TCF3: variants seen among roughly 807,000 people sequenced by gnomAD.
TCF3 encodes the protein transcription factor 3.
Under a neutral mutation model 72.3 loss-of-function variants are expected in TCF3, and 54 were observed. The ratio of observed to expected loss-of-function variants is 0.75; its 90% confidence interval spans 0.60 to 0.94. The LOEUF (loss-of-function observed/expected upper bound fraction) is 0.94, where lower values mean the gene tolerates loss of function less well. TCF3 is among the 40% of genes least tolerant of loss of function. The pLI is 0.00. For missense variants in TCF3, 1,078 were observed against 934.4 expected, an observed-to-expected ratio of 1.15 and a Z score of -2.00; for synonymous variants, 525 against 412.6, an observed-to-expected ratio of 1.27 and a Z score of -3.30.
chr19:1,647,144 T>C (rs1041788874), intron 2 of TCF3, among the ~76,000 whole-genome samples: 6 of 152,258 alleles, frequency 3.9e-5, no homozygotes, highest in African/African-American at 1.4e-4. Context: ...GCTAGGGGTG[T>C]GGGACTGCCA....
chr19:1,618,547 A>G (rs184887038), intron 16 of TCF3, among the ~76,000 whole-genome samples: 1 of 137,348 alleles, frequency 7.3e-6, no homozygotes, highest in African/African-American at 2.8e-5. Context: ...CTCTGCTCCA[A>G]CCCCACGGGT....
intron 1 of TCF3, among the ~76,000 whole-genome samples, chr19:1,651,855 C>G (rs1204121518): frequency 1.3e-5 from 2 of 150,644 alleles, no homozygotes; most frequent in Non-Finnish European, 3.0e-5. Flanking sequence ...GCACCTTCCC[C>G]GCGCAGACAA....
chr19:1,616,411 T>G (rs1221106563), intron 16 of TCF3: 2 of 151,108 alleles, frequency 1.3e-5, no homozygotes, highest in Admixed American at 1.3e-4. Context: ...GAGGCGGAGG[T>G]TGCAGTGAGC....
rs767530206 is a variant in TCF3, at chr19:1,609,629, G to A, written c.*2078C>T. The A allele has an allele frequency of 7.6e-5, 17 of 223,018 alleles. No individual in the cohort carries two copies. The highest frequency in any genetic ancestry group is 5.2e-4 in the East Asian group (8 of 15,314). 13.8% of individuals were successfully genotyped at this position (223,018 alleles called of 1,614,324 possible). ...GGGCAGGGCCAGGAGCAAAACAAGAGGGAGAGGCAAGTTCCCTTAAGAGAT... is the reference window on the plus strand; with the variant it reads ...GGGCAGGGCCAGGAGCAAAACAAGAAGGAGAGGCAAGTTCCCTTAAGAGAT... On this transcript the variant is annotated 3_prime_UTR_variant, in exon 19 of 19. Coordinates refer to ENST00000262965, the MANE Select transcript of TCF3 (RefSeq NM_003200.5).
chr19:1,625,260 C>A (rs1443093859), intron 7 of TCF3, among the ~76,000 whole-genome samples: 1 of 152,220 alleles, frequency 6.6e-6, no homozygotes, highest in East Asian at 1.9e-4. Flanking sequence ...GGGCTCAGTG[C>A]AGAGGAGCCA....
Position 1,650,265 on chromosome 19 carries a change from C to G in TCF3, c.-17G>C, listed in dbSNP as rs547082169. On this transcript the variant is annotated 5_prime_UTR_variant, in exon 2 of 19. Coordinates refer to ENST00000262965, the MANE Select transcript of TCF3 (RefSeq NM_003200.5). The stretch of plus-strand genomic sequence containing the variant: ...CTGGTTCATTCTCCTGGGGCCAGGG[C>G]GGGCACCTCAGGCCTGGAAACCCTG... 6.4e-7 allele frequency: 1 copy of G among 1,554,792 alleles called. No homozygotes were observed. Among genetic ancestry groups the G allele is most frequent in the Non-Finnish European group, 8.7e-7 (1 of 1,150,958 alleles).
chr19:1,622,866 G>A (rs758278229), intron 8 of TCF3, among the ~76,000 whole-genome samples: 9 of 152,148 alleles, frequency 5.9e-5, no homozygotes, highest in South Asian at 2.1e-4. Context: ...ACAGGAAGAG[G>A]GGTCTGTGAG....
chr19:1,617,815 A>G lies in TCF3; in HGVS notation c.1450+1296T>C, dbSNP rs1433429797. Among the ~76,000 whole-genome samples, 4 of 152,154 alleles carry G rather than the reference A, an allele frequency of 2.6e-5. No homozygotes were observed. The South Asian group carries it at 8.3e-4, about 32-fold the overall frequency. On this transcript the variant is annotated intron_variant, in intron 16 of 18. Transcript: ENST00000262965. ...GGGGTGGGGCCGTCCTGGGCACTGC[A>G]GGGTGCTGAGCAGCATCCCTGGCCC...
intron 5 of TCF3, among the ~76,000 whole-genome samples, chr19:1,631,301 C>CTCCA (rs1396054810): frequency 6.7e-6 from 1 of 149,426 alleles, no homozygotes; most frequent in Non-Finnish European, 1.5e-5. Context: ...TGGAATCTCG[C>CTCCA]TCCATCACCC....
In TCF3 at chr19:1,622,338, G is replaced by A. The variant is rs758731784; in HGVS notation, c.627C>T (p.Thr209=). Residue 209 remains threonine (T), a synonymous_variant, in exon 9 of 19, where the codon ACC becomes ACT. Transcript: ENST00000262965. ...CTGCCACGTAGAAGGGGGCGGGATAGGTGCTGCTGGGGGTCTTGGCGGACG... is the reference window on the plus strand; with the variant it reads ...CTGCCACGTAGAAGGGGGCGGGATAAGTGCTGCTGGGGGTCTTGGCGGACG... ...AYPSAKTPSS[T]YPAPFYVADG... The A allele has an allele frequency of 1.2e-5, 19 of 1,534,764 alleles. No individual in the cohort carries two copies. Among genetic ancestry groups the A allele is most frequent in the African/African-American group, 6.8e-5 (5 of 73,172 alleles).
chr19:1,638,585 G>T (rs2064796857), intron 3 of TCF3, among the ~76,000 whole-genome samples: 1 of 152,204 alleles, frequency 6.6e-6, no homozygotes. Flanking sequence ...TACCAGCAGG[G>T]AAGAGAAATA....
At chr19:1,646,517 G>T in intron 2 of TCF3, 90 bp from the exon 3 acceptor site, 1 of 1,199,012 alleles carries the variant, frequency 8.3e-7, no homozygotes, top group Non-Finnish European at 1.2e-6. Flanking sequence ...GAGCAGAGCT[G>T]GGGACACCCG....
chr19:1,627,731 C>G (rs919961434), intron 5 of TCF3, among the ~76,000 whole-genome samples: 1 of 152,008 alleles, frequency 6.6e-6, no homozygotes, highest in East Asian at 1.9e-4. Context: ...CCCACAGAAG[C>G]CCTGCCCAGG....
intron 2 of TCF3, among the ~76,000 whole-genome samples, chr19:1,648,231 G>A (rs1027651714): frequency 6.6e-6 from 1 of 152,248 alleles, no homozygotes; most frequent in Non-Finnish European, 1.5e-5. Context: ...CTAGGACCCA[G>A]CCTCGGCAGG....
chr19:1,619,345 TG>T lies in TCF3; in HGVS notation c.1296del (p.Met433CysfsTer53). 1 of 1,582,992 alleles carries T rather than the reference TG, an allele frequency of 6.3e-7. No homozygotes were observed. Among genetic ancestry groups the T allele is most frequent in the Non-Finnish European group, 8.5e-7 (1 of 1,170,856 alleles). On this transcript the variant is annotated frameshift_variant, in exon 15 of 19. Coordinates refer to ENST00000262965, the MANE Select transcript of TCF3 (RefSeq NM_003200.5). LOFTEE classifies it high-confidence loss of function. ...CCTGCGTGCCGCCCGCCCAGTGACA[TG>T]GGGCCGGTGAAACCTGAGGCCAGCG... ...HGALASGFTG[P>X]MSLGGRHAGL...
intron 13 of TCF3, among the ~76,000 whole-genome samples, chr19:1,620,537 G>A (rs72989732): frequency 0.053 from 8,006 of 152,294 alleles, 233 homozygotes; most frequent in Non-Finnish European, 0.061. Context: ...TGGCCCCATC[G>A]GACCTGGGAG....
In TCF3 at chr19:1,619,873, T is replaced by C. The variant is rs1388854104; in HGVS notation, c.1094-20A>G. ...ACGTTCCTGGAAGGGAGTGGGGACG[T>C]GAATGGGGTGCGAGGGGCGGGGTGT... On this transcript the variant is annotated intron_variant, in intron 13 of 18. Coordinates refer to ENST00000262965, the MANE Select transcript of TCF3 (RefSeq NM_003200.5). 6.4e-7 allele frequency: 1 copy of C among 1,559,934 alleles called. No homozygotes were observed. The highest frequency in any genetic ancestry group is 2.4e-5 in the East Asian group (1 of 41,578).
In TCF3 at chr19:1,625,432, C is replaced by T. The variant is rs1035070488; in HGVS notation, c.499+144G>A. 3.5e-5 allele frequency: 39 copies of T among 1,122,002 alleles called. No individual in the cohort carries two copies. The African/African-American group carries it at 3.8e-4, about 11-fold the overall frequency. The allele number at this position is 1,122,002 out of a possible 1,614,324, so 69.5% of individuals were successfully genotyped here. On this transcript the variant is annotated intron_variant, in intron 7 of 18. Transcript: ENST00000262965. ...CCCCCGTCACCGTCCATCCCTCCCACGGCCCGAGCGCCCGACGTCCAGCCA... is the reference window on the plus strand; with the variant it reads ...CCCCCGTCACCGTCCATCCCTCCCATGGCCCGAGCGCCCGACGTCCAGCCA...
chr19:1,632,025 G>A lies in TCF3; in HGVS notation c.298+13C>T. ...GTGCACAGCAGAGGGACCGCACCAG[G>A]CCAGGCACTCACCTCCGAGTCCCGG... is the stretch of plus-strand genomic sequence containing the variant. On this transcript the variant is annotated intron_variant, in intron 5 of 18. Coordinates refer to ENST00000262965, the MANE Select transcript of TCF3 (RefSeq NM_003200.5). 2.5e-6 allele frequency: 4 copies of A among 1,611,654 alleles called. No homozygotes were observed. The highest frequency in any genetic ancestry group is 3.4e-6 in the Non-Finnish European group (4 of 1,179,002).
Sources: gnomAD v4.1 joint callset for allele counts (sites outside exome capture counted in the v4.1 genomes callset) on GRCh38, gnomAD v4.1.1 for gene constraint, MANE v1.5 for transcripts, NCBI Gene and HGNC (gene_info 2026-07-23, HGNC 2026-07-21) for gene names.